The following TERT variants were observed in gnomAD, a reference collection of about 807,000 sequenced individuals.
The protein encoded by TERT is telomerase reverse transcriptase, also known as telomerase catalytic subunit.
In TERT, 42 loss-of-function variants were observed where a neutral mutation model predicts 104.0. That is an observed-to-expected ratio of 0.40 (90% CI 0.32 to 0.52). The LOEUF (loss-of-function observed/expected upper bound fraction) is 0.52. Among genes scored for constraint, TERT ranks in the 20% least tolerant of loss-of-function variants. The pLI is 0.43. For missense variants in TERT, 1,101 were observed against 1,610.3 expected (o/e 0.68, Z 5.41); for synonymous variants, 781 against 725.6 (o/e 1.08, Z -1.23).
chr5:1,291,620 G>A (rs56158232), intron 2 of TERT, among the ~76,000 whole-genome samples: 313 of 4,638 alleles, frequency 0.067, 34 homozygotes, highest in African/African-American at 0.13. Context: ...CACTCACCCT[G>A]CACGGGACAG....
In TERT at chr5:1,269,335, C is replaced by T. The variant is rs1332719629; in HGVS notation, c.2469-702G>A. On this transcript the variant is annotated intron_variant, in intron 8 of 15. Coordinates refer to ENST00000310581, the MANE Select transcript of TERT (RefSeq NM_198253.3). This position sits in a 1 kb window ranked among gnomAD's most constrained non-coding sequence, Gnocchi z 9.0. ...CTTAAAAAGAGGCTTTCCGGCTGGGCGTGATGGCTCACACCTGTAATCCCA... is the reference window on the plus strand; with the variant it reads ...CTTAAAAAGAGGCTTTCCGGCTGGGTGTGATGGCTCACACCTGTAATCCCA... 6.6e-6 allele frequency among the ~76,000 whole-genome samples: 1 copy of T among 152,090 alleles called. No homozygotes were observed. The highest frequency in any genetic ancestry group is 1.5e-5 in the Non-Finnish European group (1 of 68,016).
chr5:1,284,418 C>CTT (rs1315441283), intron 2 of TERT, among the ~76,000 whole-genome samples: 14 of 148,522 alleles, frequency 9.4e-5, no homozygotes, highest in Non-Finnish European at 1.9e-4. Flanking sequence ...CCGGACACCG[C>CTT]ATATCCAGCT....
chr5:1,271,255 C>G lies in TERT; in HGVS notation c.2383-51G>C, dbSNP rs556696018. ...GGGAGTGAGCCGGTGGGTGCTGAGA[C>G]AGGCAGGACCACGTGGCCAAGACCC... On this transcript the variant is annotated intron_variant, in intron 7 of 15. Transcript: ENST00000310581. The G allele has an allele frequency of 8.8e-6, 12 of 1,359,602 alleles. No individual in the cohort carries two copies. In the East Asian group the frequency reaches 2.8e-4, roughly 31 times the overall value. 84.2% of individuals were successfully genotyped at this position (1,359,602 alleles called of 1,614,324 possible).
intron 7 of TERT, 21 bp downstream of exon 7, chr5:1,272,164 C>G (rs370677581): frequency 6.3e-7 from 1 of 1,591,536 alleles, no homozygotes; most frequent in African/African-American, 1.3e-5. Flanking sequence ...CGTGCCCAAC[C>G]CTGCAGGGCA....
In TERT at chr5:1,294,482, C is replaced by G. The variant is rs1414898591; in HGVS notation, c.404G>C (p.Gly135Ala). 1.0e-5 allele frequency: 16 copies of G among 1,588,832 alleles called. No individual in the cohort carries two copies. The highest frequency in any genetic ancestry group is 1.7e-4 in the Middle Eastern group (1 of 5,826). ...GCGGCGCAGCAGCAGCCCCCACGCC[C>G]CGCTCCCCCGCAGTGCGTCGGTCAC... The part of the protein sequence containing the change: ...NTVTDALRGS[G>A]AWGLLLRRVG... Residue 135 changes from glycine to alanine, a missense_variant, in exon 2 of 16, where the codon GGG (glycine) becomes GCG (alanine). Physicochemically the swap from Gly to Ala is moderately conservative, Grantham distance 60. Around this residue, in one of 5 missense-constraint regions of TERT, gnomAD observed 47 missense variants for 105.3 expected, o/e 0.45. Transcript: ENST00000310581.
In TERT at chr5:1,263,644, G is replaced by C. The variant is rs536962429; in HGVS notation, c.2843+760C>G. On this transcript the variant is annotated intron_variant, in intron 11 of 15. Coordinates refer to ENST00000310581, the MANE Select transcript of TERT (RefSeq NM_198253.3). This position sits in a 1 kb window ranked among gnomAD's most constrained non-coding sequence, Gnocchi z 5.3. ...TGGCCTCAAACTCCTGGCCTCAAGT[G>C]ATCCACCCACCTCGGCCTCCCAAAG... Among the ~76,000 whole-genome samples the C allele has an allele frequency of 2.3e-4, 35 of 152,330 alleles. No homozygotes were observed. Among genetic ancestry groups the C allele is most frequent in the African/African-American group, 8.2e-4 (34 of 41,570 alleles).
In TERT at chr5:1,290,631, C is replaced by T. The variant is rs1252216302; in HGVS notation, c.1573+2682G>A. On this transcript the variant is annotated intron_variant, in intron 2 of 15. Transcript: ENST00000310581. ...TCACCCTGAACGTGACAGGGACACC[C>T]GGGGACAGTGCCTCACTCACCCTAC... 7.2e-5 allele frequency among the ~76,000 whole-genome samples: 5 copies of T among 69,086 alleles called. No individual in the cohort carries two copies. In the East Asian group the frequency reaches 1.5e-3, roughly 21 times the overall value. 45.3% of individuals were successfully genotyped at this position (69,086 alleles called of 152,430 possible). A position where few individuals can be genotyped will look rare whatever the true frequency, so the allele number is the denominator to read the frequency against.
rs145393316 is a variant in TERT at position 1,261,364 on chromosome 5, C to T, written c.2844-764G>A. On this transcript the variant is annotated intron_variant, in intron 11 of 15. Transcript: ENST00000310581. The surrounding 1 kb of genome is among the most constrained non-coding windows in gnomAD (Gnocchi z 7.4). ...ATATCTCCTTAGCCCTGTATTTGGG[C>T]AGGTTCGTGACTTGCTGTGGCAAGT... 3.3e-3 allele frequency among the ~76,000 whole-genome samples: 509 copies of T among 152,322 alleles called. 2 individuals are homozygous for T. Among genetic ancestry groups the T allele is most frequent in the African/African-American group, 0.012 (485 of 41,564 alleles).
chr5:1,278,557 G>T, intron 6 of TERT, 84 bp downstream of exon 6: 4 of 1,576,182 alleles, frequency 2.5e-6, no homozygotes, highest in South Asian at 1.1e-5. Flanking sequence ...CCACAGAAAC[G>T]CATCACAGAC....
intron 10 of TERT, 125 bp downstream of exon 10, chr5:1,266,339 A>G (rs1198454225): frequency 3.4e-5 from 32 of 943,274 alleles, no homozygotes; most frequent in Non-Finnish European, 5.0e-5. Context: ...TTGCGGATCC[A>G]GCACCGGCAG....
In TERT at chr5:1,255,405, G is replaced by A. The variant is rs33954691; in HGVS notation, c.3039C>T (p.His1013=). 181,715 of 1,614,092 alleles carry A rather than the reference G, an allele frequency of 0.11. 12,045 individuals are homozygous for A. The highest frequency in any genetic ancestry group is 0.25 in the East Asian group (11,006 of 44,876). ...GAAATGGGAGCTGCAGCACACATGC[G>A]TGAAACCTGAGAGGATGGCGGACAG... The part of the protein sequence containing the change: ...KILLLQAYRF[H]ACVLQLPFHQ... Residue 1013 remains histidine (H), a synonymous_variant, in exon 14 of 16, where the codon CAC becomes CAT. Coordinates refer to ENST00000310581, the MANE Select transcript of TERT (RefSeq NM_198253.3). This position sits in a 1 kb window ranked among gnomAD's most constrained non-coding sequence, Gnocchi z 6.9.
intron 2 of TERT, among the ~76,000 whole-genome samples, chr5:1,283,789 C>T (rs1458166364): frequency 3.3e-5 from 5 of 149,364 alleles, no homozygotes; most frequent in Admixed American, 2.7e-4. Context: ...CCCAGACCTG[C>T]ACCATCCGGA....
rs926993397 is a variant in TERT at position 1,288,012 on chromosome 5, C to T, written c.1573+5301G>A. On this transcript the variant is annotated intron_variant, in intron 2 of 15. Coordinates refer to ENST00000310581, the MANE Select transcript of TERT (RefSeq NM_198253.3). The surrounding 1 kb of genome is among the most constrained non-coding windows in gnomAD (Gnocchi z 5.3). The stretch of plus-strand genomic sequence containing the variant: ...AATAATAAAATGATAACTTAAAATA[C>T]TCTACGTATCTTGATACTCTACATA... Among the ~76,000 whole-genome samples, 1 of 152,024 alleles carries T rather than the reference C, an allele frequency of 6.6e-6. No homozygotes were observed. Among genetic ancestry groups the T allele is most frequent in the Non-Finnish European group, 1.5e-5 (1 of 68,030 alleles).
rs1013957692 is a variant in TERT at position 1,274,656 on chromosome 5, G to A, written c.2287-2376C>T. Among the ~76,000 whole-genome samples, 14 of 152,206 alleles carry A rather than the reference G, an allele frequency of 9.2e-5. No individual in the cohort carries two copies. Among genetic ancestry groups the A allele is most frequent in the African/African-American group, 3.1e-4 (13 of 41,448 alleles). ...CCACTGCTGATCTGAGAGGGGCGGG[G>A]CTCAGGCGGGAACGCTGGCTCCCCA... is the stretch of plus-strand genomic sequence containing the variant. On this transcript the variant is annotated intron_variant, in intron 6 of 15. Coordinates refer to ENST00000310581, the MANE Select transcript of TERT (RefSeq NM_198253.3). This position sits in a 1 kb window ranked among gnomAD's most constrained non-coding sequence, Gnocchi z 5.3.
intron 15 of TERT, 43 bp downstream of exon 15, chr5:1,254,325 C>T (rs745965867): frequency 6.2e-7 from 1 of 1,612,536 alleles, no homozygotes; most frequent in Admixed American, 1.7e-5. Context: ...CAAGGATGAC[C>T]CCTGGGCAGG....
rs776045913 is a variant in TERT at position 1,294,900 on chromosome 5, G to A, written c.90C>T (p.Arg30=). 2 of 1,434,980 alleles carry A rather than the reference G, an allele frequency of 1.4e-6. No homozygotes were observed. Among genetic ancestry groups the A allele is most frequent in the Admixed American group, 2.7e-5 (1 of 36,770 alleles). The allele number at this position is 1,434,980 out of a possible 1,614,324, so 88.9% of individuals were successfully genotyped here. The change falls in exon 1 of 16, where the codon CGC becomes CGT. Residue 30 remains arginine, a synonymous_variant. Transcript: ENST00000310581. ...CCAGCCGCCAGCCCTGGGGCCCCAGGCGCCGCACGAACGTGGCCAGCGGCA... is the reference window on the plus strand; with the variant it reads ...CCAGCCGCCAGCCCTGGGGCCCCAGACGCCGCACGAACGTGGCCAGCGGCA... The part of the protein sequence containing the change: ...EVLPLATFVR[R]LGPQGWRLVQ...
chr5:1,266,388 G>A (rs767073046), intron 10 of TERT, 76 bp downstream of exon 10: 373 of 1,274,228 alleles, frequency 2.9e-4, no homozygotes, highest in Non-Finnish European at 3.5e-4. Context: ...GCGGTGCCAG[G>A]GGCAGGACAC....
intron 2 of TERT, among the ~76,000 whole-genome samples, chr5:1,290,612 TG>T (rs1345176988): frequency 1.4e-5 from 1 of 72,392 alleles, no homozygotes; most frequent in Non-Finnish European, 2.6e-5. Context: ...TCACTCACCC[TG>T]AACGTGACAG....
In TERT at chr5:1,253,765, G is replaced by A. The variant is rs1554038054; in HGVS notation, c.3362C>T (p.Pro1121Leu). 4 of 1,612,232 alleles carry A rather than the reference G, an allele frequency of 2.5e-6. No homozygotes were observed. The highest frequency in any genetic ancestry group is 3.4e-6 in the Non-Finnish European group (4 of 1,179,828). ...TLTALEAAAN[P>L]ALPSDFKTIL... is the part of the protein sequence containing the mutation. ...GGTCTTGAAGTCTGAGGGCAGTGCC[G>A]GGTTGGCTGCGGCCTCCAGGGCAGT... The change falls in exon 16 of 16, where the codon CCG becomes CTG. Residue 1121 changes from proline (P) to leucine (L), a missense_variant. Transcript: ENST00000310581.
Sources: allele counts gnomAD v4.1 joint callset (sites outside exome capture counted in the v4.1 genomes callset), GRCh38; gene constraint gnomAD v4.1.1; regional missense constraint gnomAD v4.1.1; non-coding constraint Gnocchi (gnomAD v3.1); transcripts MANE v1.5; gene names NCBI Gene and HGNC (gene_info 2026-07-23, HGNC 2026-07-21).